Variants in KIF26B observed in about 807,000 individuals in gnomAD.
KIF26B encodes the protein kinesin-like protein KIF26B.
In KIF26B, 63 loss-of-function variants were observed where a neutral mutation model predicts 151.2. That is an observed-to-expected ratio of 0.42 (90% CI 0.34 to 0.51). The LOEUF is 0.51. Among genes scored for constraint, KIF26B ranks in the 20% least tolerant of loss-of-function variants. The pLI is 0.07. For missense variants in KIF26B, 2,813 were observed against 2,913.6 expected (o/e 0.97, Z 0.79); for synonymous variants, 1,357 against 1,262.1 (o/e 1.08, Z -1.59).
intron 10 of KIF26B, among the ~76,000 whole-genome samples, chr1:245,649,623 G>C (rs2043992728): frequency 6.6e-6 from 1 of 152,134 alleles, no homozygotes; most frequent in East Asian, 1.9e-4. Context: ...CTCACTTACG[G>C]AGGGTGGCGG....
At chr1:245,654,713 G>A (rs2044055036) in intron 10 of KIF26B, among the ~76,000 whole-genome samples, 1 of 152,144 alleles carries the variant, frequency 6.6e-6, no homozygotes, top group African/African-American at 2.4e-5. Flanking sequence ...TTCCCACAGT[G>A]GAGAACCAGA....
intron 2 of KIF26B, among the ~76,000 whole-genome samples, chr1:245,327,486 G>C (rs564082838): frequency 6.6e-6 from 1 of 152,126 alleles, no homozygotes; most frequent in South Asian, 2.1e-4. Flanking sequence ...CAAACTTTTA[G>C]CTATGAAACA....
chr1:245,240,568 A>G (rs1466677910), intron 2 of KIF26B, among the ~76,000 whole-genome samples: 1 of 152,206 alleles, frequency 6.6e-6, no homozygotes, highest in Admixed American at 6.5e-5. Context: ...GTGAGATTAT[A>G]TTTAATCTTT....
intron 4 of KIF26B, among the ~76,000 whole-genome samples, chr1:245,507,837 C>A (rs930316757): frequency 3.3e-5 from 5 of 152,154 alleles, no homozygotes; most frequent in African/African-American, 1.2e-4. Context: ...CAAAGGTTGA[C>A]AACAACCTTT....
At chr1:245,261,046 TTC>T (rs759138883) in intron 2 of KIF26B, among the ~76,000 whole-genome samples, 45 of 150,404 alleles carry the variant, frequency 3.0e-4, no homozygotes, top group African/African-American at 8.6e-4. Context: ...TTTCTTTTCT[TTC>T]TCTCTCTCTC....
At chr1:245,386,659 C>A (rs1051678364) in intron 3 of KIF26B, among the ~76,000 whole-genome samples, 3 of 152,180 alleles carry the variant, frequency 2.0e-5, no homozygotes, top group African/African-American at 4.8e-5. Flanking sequence ...CCATTAGCAT[C>A]ATTTCCTCCT....
chr1:245,286,563 G>A (rs1346115379), intron 2 of KIF26B, among the ~76,000 whole-genome samples: 2 of 151,948 alleles, frequency 1.3e-5, no homozygotes, highest in South Asian at 2.1e-4. Context: ...AATAAAACGT[G>A]TCAAACTCAC....
At chr1:245,176,734 G>C (rs1168267026) in intron 2 of KIF26B, among the ~76,000 whole-genome samples, 1 of 152,174 alleles carries the variant, frequency 6.6e-6, no homozygotes, top group African/African-American at 2.4e-5. Context: ...CACAGGATGG[G>C]CTAGCAGGCG....
chr1:245,504,013 C>T (rs1158866358), intron 4 of KIF26B, among the ~76,000 whole-genome samples: 3 of 152,184 alleles, frequency 2.0e-5, no homozygotes, highest in East Asian at 1.9e-4. Context: ...GGTCCTGCTT[C>T]GGTCGTTTTC....
At chr1:245,599,534 C>G (rs2043369680) in intron 5 of KIF26B, among the ~76,000 whole-genome samples, 1 of 152,214 alleles carries the variant, frequency 6.6e-6, no homozygotes, top group African/African-American at 2.4e-5. Flanking sequence ...CCTCGCCTGG[C>G]TGAGCTCATA....
Position 245,500,016 on chromosome 1 carries a change from A to G in KIF26B, c.1167-40751A>G, listed in dbSNP as rs1020444224. ...CAATGCGCACTTTGTTTTAGGCTGG[A>G]TAGCTACACATCATCAATGAGATTG... is the stretch of plus-strand genomic sequence containing the variant. On this transcript the variant is annotated intron_variant, in intron 4 of 14. Transcript: ENST00000407071. Among the ~76,000 whole-genome samples the G allele has an allele frequency of 9.2e-5, 14 of 152,216 alleles. 1 individual carries two copies. Among genetic ancestry groups the G allele is most frequent in the Admixed American group, 2.0e-4 (3 of 15,288 alleles).
At chr1:245,539,681 C>G (rs905334058) in intron 4 of KIF26B, among the ~76,000 whole-genome samples, 1 of 152,152 alleles carries the variant, frequency 6.6e-6, no homozygotes, top group African/African-American at 2.4e-5. Flanking sequence ...GAGACGGAGT[C>G]TCACTCTGTC....
At chr1:245,454,846 C>T (rs1659477866) in intron 4 of KIF26B, among the ~76,000 whole-genome samples, 1 of 152,156 alleles carries the variant, frequency 6.6e-6, no homozygotes, top group African/African-American at 2.4e-5. Flanking sequence ...GAAAATAACT[C>T]TCAGGCTGAG....
At chr1:245,411,141 C>G (rs1275456835) in intron 3 of KIF26B, among the ~76,000 whole-genome samples, 6 of 152,222 alleles carry the variant, frequency 3.9e-5, no homozygotes, top group African/African-American at 1.4e-4. Flanking sequence ...CTTGCTGATG[C>G]CAGCTTTTGC....
intron 9 of KIF26B, among the ~76,000 whole-genome samples, chr1:245,638,385 T>C (rs1162297136): frequency 1.3e-5 from 2 of 151,940 alleles, no homozygotes; most frequent in African/African-American, 2.4e-5. Flanking sequence ...TTTGGTGGAA[T>C]CTTTAGATTT....
At chr1:245,697,754 GA>G (rs749609356) in intron 12 of KIF26B, among the ~76,000 whole-genome samples, 12 of 152,108 alleles carry the variant, frequency 7.9e-5, no homozygotes, top group South Asian at 4.1e-4. Flanking sequence ...GGCTTCAGCT[GA>G]ATTTCAGGGT....
At chr1:245,333,480 C>T (rs893579632) in intron 2 of KIF26B, among the ~76,000 whole-genome samples, 4 of 152,084 alleles carry the variant, frequency 2.6e-5, no homozygotes, top group South Asian at 2.1e-4. Flanking sequence ...TTAGTGGGTG[C>T]GGAGTTTCAG....
intron 9 of KIF26B, among the ~76,000 whole-genome samples, chr1:245,645,245 G>C (rs2103184532): frequency 6.6e-6 from 1 of 152,240 alleles, no homozygotes; most frequent in East Asian, 1.9e-4. Flanking sequence ...GGTCATGGGG[G>C]TGGACGACAC....
In KIF26B at chr1:245,375,465, G is replaced by A. The variant is rs1023355920; in HGVS notation, c.999+8098G>A. Among the ~76,000 whole-genome samples the A allele has an allele frequency of 2.6e-5, 4 of 152,190 alleles. No homozygotes were observed. The highest frequency in any genetic ancestry group is 9.6e-5 in the African/African-American group (4 of 41,452). ...GGCAGGAGGATCAGAACCAGAGAGA[G>A]GAGGTGGAAGGACAGAAGCAGAGGT... On this transcript the variant is annotated intron_variant, in intron 3 of 14. Coordinates refer to ENST00000407071, the MANE Select transcript of KIF26B (RefSeq NM_018012.4). The surrounding 1 kb of genome is among the most constrained non-coding windows in gnomAD (Gnocchi z 4.2).
Sources: allele counts gnomAD v4.1 joint callset (sites outside exome capture counted in the v4.1 genomes callset), GRCh38; gene constraint gnomAD v4.1.1; non-coding constraint Gnocchi (gnomAD v3.1); transcripts MANE v1.5; gene names NCBI Gene and HGNC (gene_info 2026-07-23, HGNC 2026-07-21).